Variants in ELF4 observed in about 807,000 individuals in gnomAD.
The protein encoded by ELF4 is E74 like ETS transcription factor 4.
A neutral mutation model predicts 31.7 loss-of-function variants in ELF4; 10 were observed. The observed-to-expected ratio is 0.32, with a 90% CI of 0.19 to 0.54. The LOEUF (loss-of-function observed/expected upper bound fraction) is 0.54, where lower values mean the gene tolerates loss of function less well. Ranked by LOEUF, ELF4 falls within the 20% of genes least tolerant of loss-of-function variation. The pLI is 0.95. For missense variants in ELF4, 418 were observed against 522.0 expected, an observed-to-expected ratio of 0.80 and a Z score of 1.94; for synonymous variants, 208 against 226.7, an observed-to-expected ratio of 0.92 and a Z score of 0.74.
Position 130,081,378 on chromosome X carries a change from G to A in ELF4, c.-48C>T, listed in dbSNP as rs760282688. On this transcript the variant is annotated 5_prime_UTR_variant, in exon 2 of 9. Transcript: ENST00000308167. ...AACGGGATTATCAGAGCCCTCCAGA[G>A]CTGTGGGGCTTTCTTGATGAAGGGA... 41 of 1,145,359 alleles carry A rather than the reference G, an allele frequency of 3.6e-5. No homozygotes were observed. The highest frequency in any genetic ancestry group is 4.8e-5 in the Non-Finnish European group (40 of 836,187). 94.4% of individuals were successfully genotyped at this position (1,145,359 alleles called of 1,213,427 possible).
intron 1 of ELF4, among the ~76,000 whole-genome samples, chrX:130,097,695 A>G (rs1266739394): frequency 8.9e-6 from 1 of 112,596 alleles, no homozygotes; most frequent in Admixed American, 9.3e-5. Context: ...CAGCAGTGCT[A>G]GGTGGTAGAG....
intron 1 of ELF4, among the ~76,000 whole-genome samples, chrX:130,109,940 G>A (rs1363416223): frequency 8.0e-5 from 9 of 112,900 alleles, no homozygotes; most frequent in Admixed American, 7.4e-4. Context: ...GGCCCCAGAA[G>A]CCCCGGGGGC....
intron 7 of ELF4, among the ~76,000 whole-genome samples, chrX:130,069,965 G>A (rs1811505031): frequency 8.9e-6 from 1 of 112,329 alleles, no homozygotes; most frequent in South Asian, 3.7e-4. Flanking sequence ...AGAGGACAGG[G>A]AATGACTGAA....
At chrX:130,106,159 C>A (rs949516066) in intron 1 of ELF4, among the ~76,000 whole-genome samples, 2 of 108,851 alleles carry the variant, frequency 1.8e-5, no homozygotes, top group African/African-American at 6.7e-5. Flanking sequence ...CCCTCTCCCC[C>A]CTTCAAGGTC....
chrX:130,103,515 A>T (rs1195257314), intron 1 of ELF4, among the ~76,000 whole-genome samples: 1 of 112,590 alleles, frequency 8.9e-6, no homozygotes, highest in Non-Finnish European at 1.9e-5. Flanking sequence ...ACTTATTAGA[A>T]TGGCTAATTA....
At chrX:130,091,377 A>ACAT (rs1933054929) in intron 1 of ELF4, among the ~76,000 whole-genome samples, 1 of 111,980 alleles carries the variant, frequency 8.9e-6, no homozygotes, top group Admixed American at 9.5e-5. Context: ...CAGTGAGCCG[A>ACAT]CATCGTGCCA....
intron 1 of ELF4, among the ~76,000 whole-genome samples, chrX:130,104,762 G>T (rs1473901276): frequency 2.7e-5 from 3 of 111,990 alleles, no homozygotes; most frequent in African/African-American, 9.8e-5. Context: ...GTATTGGGAA[G>T]GATATTGGGT....
chrX:130,109,889 T>C (rs1270968786), intron 1 of ELF4, among the ~76,000 whole-genome samples: 2 of 112,740 alleles, frequency 1.8e-5, no homozygotes, highest in Admixed American at 9.2e-5. Flanking sequence ...CTCCACATCA[T>C]AGGTCTGCGT....
chrX:130,064,590 C>T lies in ELF4; in HGVS notation c.*2131G>A, dbSNP rs1158646585. Among the ~76,000 whole-genome samples the T allele has an allele frequency of 2.7e-5, 3 of 111,918 alleles. No individual in the cohort carries two copies. The highest frequency in any genetic ancestry group is 9.5e-5 in the Admixed American group (1 of 10,557). On this transcript the variant is annotated 3_prime_UTR_variant, in exon 9 of 9. Coordinates refer to ENST00000308167, the MANE Select transcript of ELF4 (RefSeq NM_001421.4). ...GAGCTCTAGATTTAGGACCCATCTCCGAGGAGCCAAAATGAGCCCAAAATG... is the reference window on the plus strand; with the variant it reads ...GAGCTCTAGATTTAGGACCCATCTCTGAGGAGCCAAAATGAGCCCAAAATG...
At chrX:130,088,606 G>A (rs1013709383) in intron 1 of ELF4, among the ~76,000 whole-genome samples, 10 of 110,601 alleles carry the variant, frequency 9.0e-5, no homozygotes, top group Admixed American at 8.7e-4. Flanking sequence ...CCAGCTATTC[G>A]GGAGACTGAG....
At chrX:130,106,127 G>T (rs919423885) in intron 1 of ELF4, among the ~76,000 whole-genome samples, 1 of 109,783 alleles carries the variant, frequency 9.1e-6, no homozygotes, top group East Asian at 2.9e-4. Context: ...TTTCTGCTGA[G>T]CCAAATCTCC....
At chrX:130,099,642 A>G (rs1443716415) in intron 1 of ELF4, among the ~76,000 whole-genome samples, 1 of 109,574 alleles carries the variant, frequency 9.1e-6, no homozygotes, top group African/African-American at 3.3e-5. Flanking sequence ...TCCTTAATAG[A>G]TTTTCTTTTT....
chrX:130,096,687 C>A (rs1383848817), intron 1 of ELF4, among the ~76,000 whole-genome samples: 1 of 111,306 alleles, frequency 9.0e-6, no homozygotes. Context: ...GAAGGCCATG[C>A]ACAAGCTAAG....
chrX:130,078,491 C>T (rs1932854672), intron 2 of ELF4, among the ~76,000 whole-genome samples: 1 of 110,489 alleles, frequency 9.1e-6, no homozygotes, highest in African/African-American at 3.3e-5. Context: ...GGCATGGTGG[C>T]TTACGCCTGT....
At chrX:130,069,117 G>A (rs748686241) in intron 8 of ELF4, among the ~76,000 whole-genome samples, 183 bp downstream of exon 8, 6 of 110,259 alleles carry the variant, frequency 5.4e-5, no homozygotes, top group Non-Finnish European at 1.1e-4. Context: ...CCAGCTACTC[G>A]GGAGGCTGAG....
chrX:130,110,797 G>C (rs1933473318), upstream of ELF4: 1 of 106,332 alleles, frequency 9.4e-6, no homozygotes, highest in Admixed American at 9.9e-5. Context: ...CGCCGGGGAG[G>C]GCCGGGCCAA....
intron 8 of ELF4, among the ~76,000 whole-genome samples, chrX:130,068,137 G>C (rs986884568): frequency 2.7e-5 from 3 of 112,084 alleles, no homozygotes; most frequent in East Asian, 5.6e-4. Flanking sequence ...TAAGTACTTA[G>C]AATAGGTATA....
intron 1 of ELF4, among the ~76,000 whole-genome samples, chrX:130,099,272 T>C (rs1280870422): frequency 8.9e-6 from 1 of 111,981 alleles, no homozygotes; most frequent in Non-Finnish European, 1.9e-5. Context: ...ATTTCTTCCC[T>C]CTATCGAAAT....
At chrX:130,081,191 C>T in intron 2 of ELF4, 65 bp downstream of exon 2, 1 of 1,165,195 alleles carries the variant, frequency 8.6e-7, no homozygotes, top group East Asian at 3.0e-5. Flanking sequence ...GGCTGTCTGC[C>T]TGGCTGTCTG....
Sources: gnomAD v4.1 joint callset for allele counts (sites outside exome capture counted in the v4.1 genomes callset) on GRCh38, gnomAD v4.1.1 for gene constraint, MANE v1.5 for transcripts, NCBI Gene and HGNC (gene_info 2026-07-23, HGNC 2026-07-21) for gene names.